DCUN1D4: variants seen among roughly 807,000 people sequenced by gnomAD.
DCUN1D4 encodes the protein DCN1-like protein 4.
In DCUN1D4, 22 loss-of-function variants were observed where a neutral mutation model predicts 47.9. That is an observed-to-expected ratio of 0.46 (90% CI 0.33 to 0.66). DCUN1D4 has a LOEUF of 0.66. Among genes scored for constraint, DCUN1D4 ranks in the 30% least tolerant of loss-of-function variants. The pLI is 0.02. For synonymous variants in DCUN1D4, 121 were observed against 112.2 expected, an observed-to-expected ratio of 1.08 and a Z score of -0.50; for missense variants, 301 against 340.8, an observed-to-expected ratio of 0.88 and a Z score of 0.92.
At chr4:51,859,341 C>A (rs1724651506) in intron 1 of DCUN1D4, among the ~76,000 whole-genome samples, 1 of 151,634 alleles carries the variant, frequency 6.6e-6, no homozygotes, top group Non-Finnish European at 1.5e-5. Context: ...CGTTCTTGTC[C>A]CAGTTATATT....
At chr4:51,862,679 C>T (rs940492122) in intron 1 of DCUN1D4, among the ~76,000 whole-genome samples, 9 of 152,052 alleles carry the variant, frequency 5.9e-5, no homozygotes. Context: ...TTTCAGCTTA[C>T]ATTTTTATTG....
intron 3 of DCUN1D4, 63 bp downstream of exon 3, chr4:51,863,772 A>G: frequency 1.3e-6 from 2 of 1,504,156 alleles, no homozygotes; most frequent in Non-Finnish European, 1.8e-6. Flanking sequence ...AAAGAGAAAT[A>G]CTAGCTATGA....
intron 8 of DCUN1D4, among the ~76,000 whole-genome samples, chr4:51,903,564 G>A (rs1294631155): frequency 6.6e-6 from 1 of 152,050 alleles, no homozygotes; most frequent in African/African-American, 2.4e-5. Context: ...TCTTTCTGCT[G>A]TTATTTCTCC....
chr4:51,863,488 A>G lies in DCUN1D4; in HGVS notation c.77A>G (p.Tyr26Cys). ...LSTLANIHKIYHTLNKLNLTE... is the reference protein window; with the variant it reads ...LSTLANIHKICHTLNKLNLTE... ...ACACTGGCAAATATTCATAAGATCT[A>G]CCACACCCTTAATAAGCTGGTAAGT... is the stretch of plus-strand genomic sequence containing the variant. Residue 26 changes from tyrosine to cysteine, a missense_variant, in exon 2 of 11, where the codon TAC (tyrosine) becomes TGC (cysteine). By Grantham distance (194) the Tyr-to-Cys change is radical. Transcript: ENST00000334635. The G allele has an allele frequency of 1.2e-6, 2 of 1,612,812 alleles. No homozygotes were observed. Among genetic ancestry groups the G allele is most frequent in the Non-Finnish European group, 1.7e-6 (2 of 1,179,320 alleles).
chr4:51,905,374 G>A (rs1315909039), intron 8 of DCUN1D4: 2 of 264,364 alleles, frequency 7.6e-6, no homozygotes, highest in South Asian at 3.7e-5. Context: ...CTCTCCTCCC[G>A]CTGTGGAATC....
At chr4:51,871,883 C>G (rs1208794474) in intron 3 of DCUN1D4, among the ~76,000 whole-genome samples, 2 of 152,204 alleles carry the variant, frequency 1.3e-5, no homozygotes, top group Admixed American at 1.3e-4. Context: ...CAGCATTTTA[C>G]AGGGAAGATG....
At chr4:51,843,678 G>C (rs1721969147) in intron 1 of DCUN1D4, 2 of 1,248,242 alleles carry the variant, frequency 1.6e-6, no homozygotes, top group African/African-American at 1.6e-5. Flanking sequence ...GAGCGAGCGA[G>C]CGGGGCACAA....
chr4:51,841,837 C>G (rs1479285037), upstream of DCUN1D4, among the ~76,000 whole-genome samples: 1 of 151,880 alleles, frequency 6.6e-6, no homozygotes, highest in Non-Finnish European at 1.5e-5. Flanking sequence ...ACCAAAAAGA[C>G]CGTGCGTTCT....
At chr4:51,890,003 C>T (rs1014070671) in intron 6 of DCUN1D4, among the ~76,000 whole-genome samples, 20 of 152,060 alleles carry the variant, frequency 1.3e-4, no homozygotes, top group Admixed American at 6.5e-4. Context: ...ATGAAAGATC[C>T]TAAAAATTTC....
Position 51,893,866 on chromosome 4 carries a change from G to A in DCUN1D4, c.506+2015G>A, listed in dbSNP as rs562342238. On this transcript the variant is annotated intron_variant, in intron 7 of 10. Transcript: ENST00000334635. ...GTCCATTTTTATTTGTCTTAAGAAG[G>A]TGTGATACCCAGTTTGTATAGTACT... Among the ~76,000 whole-genome samples the A allele has an allele frequency of 4.6e-5, 7 of 152,268 alleles. No individual in the cohort carries two copies. In the East Asian group the frequency reaches 1.4e-3, roughly 29 times the overall value.
chr4:51,915,489 A>G lies in DCUN1D4; in HGVS notation c.*1905A>G, dbSNP rs1734244587. ...AGCAACAGCTATTAATACTGATGTGATGGATGCATTTGTTTTGCAGTGGTG... is the reference window on the plus strand; with the variant it reads ...AGCAACAGCTATTAATACTGATGTGGTGGATGCATTTGTTTTGCAGTGGTG... On this transcript the variant is annotated 3_prime_UTR_variant, in exon 11 of 11. Coordinates refer to ENST00000334635, the MANE Select transcript of DCUN1D4 (RefSeq NM_001040402.3). The G allele has an allele frequency of 2.0e-5, 3 of 152,580 alleles. No homozygotes were observed. The highest frequency in any genetic ancestry group is 1.3e-4 in the Admixed American group (2 of 15,266). The allele number at this position is 152,580 out of a possible 1,614,324, so 9.5% of individuals were successfully genotyped here. A position where few individuals can be genotyped will look rare whatever the true frequency, so the allele number is the denominator to read the frequency against.
At chr4:51,875,189 G>A (rs1237739878) in intron 4 of DCUN1D4, 1 of 152,126 alleles carries the variant, frequency 6.6e-6, no homozygotes, top group Non-Finnish European at 1.5e-5. Flanking sequence ...TAAAAATAAT[G>A]TCATTGTTTA....
Position 51,861,917 on chromosome 4 carries a change from CT to C in DCUN1D4, c.26-1519del, listed in dbSNP as rs202243165. Among the ~76,000 whole-genome samples the C allele has an allele frequency of 9.0e-3, 1,262 of 139,756 alleles. 34 individuals carry two copies. The highest frequency in any genetic ancestry group is 0.054 in the East Asian group (243 of 4,492). 91.7% of individuals were successfully genotyped at this position (139,756 alleles called of 152,430 possible). On this transcript the variant is annotated intron_variant, in intron 1 of 10. Coordinates refer to ENST00000334635, the MANE Select transcript of DCUN1D4 (RefSeq NM_001040402.3). ...GGGCTGTAGCTTCTAGCTTCTACCCCTGTTCACGTTTAATAAATATAAATGT... is the reference window on the plus strand; with the variant it reads ...GGGCTGTAGCTTCTAGCTTCTACCCCGTTCACGTTTAATAAATATAAATGT...
intron 1 of DCUN1D4, among the ~76,000 whole-genome samples, chr4:51,846,801 G>A (rs1278086211): frequency 6.6e-6 from 1 of 152,174 alleles, no homozygotes; most frequent in African/African-American, 2.4e-5. Context: ...ATGTCATTAA[G>A]GATCTAGGTT....
chr4:51,867,344 C>T (rs1054519616), intron 3 of DCUN1D4, among the ~76,000 whole-genome samples: 6 of 152,212 alleles, frequency 3.9e-5, no homozygotes, highest in East Asian at 1.9e-4. Flanking sequence ...CCGCCCACAA[C>T]GTGGCAAGTG....
Position 51,915,509 on chromosome 4 carries a change from G to C in DCUN1D4, c.*1925G>C, listed in dbSNP as rs1192136974. ...ATGTGATGGATGCATTTGTTTTGCA[G>C]TGGTGACTGGCCTAGGCAGGTTTGG... On this transcript the variant is annotated 3_prime_UTR_variant, in exon 11 of 11. Transcript: ENST00000334635. The C allele has an allele frequency of 6.6e-6, 1 of 152,430 alleles. No homozygotes were observed. Among genetic ancestry groups the C allele is most frequent in the African/African-American group, 2.4e-5 (1 of 41,440 alleles). The allele number at this position is 152,430 out of a possible 1,614,324, so 9.4% of individuals were successfully genotyped here.
At chr4:51,902,585 T>C (rs1476378804) in intron 8 of DCUN1D4, among the ~76,000 whole-genome samples, 2 of 152,256 alleles carry the variant, frequency 1.3e-5, no homozygotes, top group African/African-American at 2.4e-5. Context: ...TATTAAAGTC[T>C]GCATGCTATA....
intron 8 of DCUN1D4, among the ~76,000 whole-genome samples, chr4:51,908,565 G>A (rs1367709553): frequency 6.6e-6 from 1 of 151,796 alleles, no homozygotes; most frequent in Non-Finnish European, 1.5e-5. Flanking sequence ...GCTTTTGGAT[G>A]TCTTTACTCC....
At chr4:51,898,113 T>A (rs1243819127) in intron 7 of DCUN1D4, among the ~76,000 whole-genome samples, 1 of 152,204 alleles carries the variant, frequency 6.6e-6, no homozygotes, top group Admixed American at 6.5e-5. Context: ...CCACAGAACT[T>A]CTACTGGGAG....
Sources: gnomAD v4.1 joint callset for allele counts (sites outside exome capture counted in the v4.1 genomes callset) on GRCh38, gnomAD v4.1.1 for gene constraint, MANE v1.5 for transcripts, NCBI Gene and HGNC (gene_info 2026-07-23, HGNC 2026-07-21) for gene names.